Variants in SOX5 observed in about 807,000 individuals in gnomAD.
SOX5 encodes transcription factor SOX-5.
SOX5 carries 9 observed loss-of-function variants against 92.0 expected under a neutral mutation model. That is an observed-to-expected ratio of 0.10 (90% CI 0.06 to 0.17). The LOEUF (loss-of-function observed/expected upper bound fraction) is 0.17, where lower values mean the gene tolerates loss of function less well. Ranked by LOEUF, SOX5 falls within the 10% of genes least tolerant of loss-of-function variation. The probability of loss-of-function intolerance (pLI) is 1.00; values close to 1 mark genes in which losing one functional copy is unlikely to be tolerated. For synonymous variants in SOX5, 344 were observed against 336.3 expected, an observed-to-expected ratio of 1.02 and a Z score of -0.25; for missense variants, 642 against 944.5, an observed-to-expected ratio of 0.68 and a Z score of 4.20.
intron 11 of SOX5, among the ~76,000 whole-genome samples, chr12:23,548,380 T>TA (rs1565714085): frequency 1.3e-5 from 2 of 152,028 alleles, no homozygotes; most frequent in Non-Finnish European, 2.9e-5. Flanking sequence ...TATCCACCAC[T>TA]AATGCACCCA....
At position 24,046,254 on chromosome 12, in the gene SOX5, T is replaced by C. The variant is rs528006552; in HGVS notation, c.-1-150230A>G. The stretch of plus-strand genomic sequence containing the variant: ...GGGCAAGAAGAGAATTTCTAAAAGG[T>C]AGTGATGTAAAAGCGAAACTTGGGG... On this transcript the variant is annotated intron_variant, in intron 4 of 4. Coordinates refer to the SOX5 transcript ENST00000446891. Among the ~76,000 whole-genome samples the C allele has an allele frequency of 2.8e-4, 39 of 138,234 alleles. No individual in the cohort carries two copies. The South Asian group carries it at 9.0e-3, about 32-fold the overall frequency. 90.7% of individuals were successfully genotyped at this position (138,234 alleles called of 152,430 possible).
intron 2 of SOX5, among the ~76,000 whole-genome samples, chr12:24,308,029 A>AG (rs1948789304): frequency 6.6e-6 from 1 of 152,048 alleles, no homozygotes; most frequent in Non-Finnish European, 1.5e-5. Flanking sequence ...CCAGTAGAAA[A>AG]AAAAAAACAG....
At chr12:24,322,841 GTTGT>G (rs1212063168) in intron 2 of SOX5, among the ~76,000 whole-genome samples, 2 of 151,948 alleles carry the variant, frequency 1.3e-5, no homozygotes, top group Non-Finnish European at 2.9e-5. Flanking sequence ...TAATGTTGTT[GTTGT>G]TTTTTAAATA....
At chr12:23,898,759 G>A (rs2097202226) in intron 1 of SOX5, among the ~76,000 whole-genome samples, 1 of 152,204 alleles carries the variant, frequency 6.6e-6, no homozygotes, top group African/African-American at 2.4e-5. Flanking sequence ...ATCCTAGAAT[G>A]TCACATATTT....
intron 8 of SOX5, among the ~76,000 whole-genome samples, chr12:23,605,704 CTGATTAGCAG>C (rs1412459893): frequency 5.9e-5 from 9 of 151,656 alleles, no homozygotes; most frequent in Admixed American, 5.3e-4. Flanking sequence ...GCCACAGATC[CTGATTAGCAG>C]TGTCTCTCTC....
At chr12:23,982,393 AT>A (rs1220351884) in intron 4 of SOX5, among the ~76,000 whole-genome samples, 2 of 152,184 alleles carry the variant, frequency 1.3e-5, no homozygotes, top group African/African-American at 4.8e-5. Context: ...GAGAAGAATC[AT>A]TGCTTTTCTT....
intron 3 of SOX5, among the ~76,000 whole-genome samples, chr12:23,764,866 G>A (rs1020582500): frequency 8.6e-5 from 13 of 151,984 alleles, no homozygotes; most frequent in African/African-American, 2.9e-4. Context: ...GCCTGATAAA[G>A]CACTACACAT....
chr12:24,190,625 G>A (rs950834372), intron 4 of SOX5, among the ~76,000 whole-genome samples: 47 of 152,172 alleles, frequency 3.1e-4, no homozygotes, highest in African/African-American at 1.1e-3. Context: ...TCCGTGATTC[G>A]GATCATATTT....
intron 4 of SOX5, among the ~76,000 whole-genome samples, chr12:24,080,279 G>A (rs982444678): frequency 1.3e-5 from 2 of 151,772 alleles, no homozygotes; most frequent in African/African-American, 2.4e-5. Flanking sequence ...TGAACACTTT[G>A]GAAAAATATT....
At chr12:23,678,614 T>C (rs189620574) in intron 6 of SOX5, among the ~76,000 whole-genome samples, 1 of 152,278 alleles carries the variant, frequency 6.6e-6, no homozygotes, top group East Asian at 1.9e-4. Context: ...ACCTATTCTG[T>C]TTCCCTCAGC....
intron 6 of SOX5, among the ~76,000 whole-genome samples, chr12:23,668,900 G>T (rs1410859598): frequency 3.3e-5 from 5 of 152,026 alleles, no homozygotes; most frequent in Non-Finnish European, 7.4e-5. Flanking sequence ...CATTTATGAA[G>T]AACAAGTAAA....
At chr12:23,603,432 AATATATATATAAAATATAT>A (rs1555193626) in intron 9 of SOX5, among the ~76,000 whole-genome samples, 2 of 90,832 alleles carry the variant, frequency 2.2e-5, no homozygotes, top group South Asian at 8.1e-4. Flanking sequence ...CAGCAAAATA[AATATATATATAAAATATAT>A]ATATATATAT....
chr12:23,760,322 A>T (rs1203625287), intron 3 of SOX5, among the ~76,000 whole-genome samples: 1 of 152,114 alleles, frequency 6.6e-6, no homozygotes, highest in Non-Finnish European at 1.5e-5. Context: ...ATACAAAACC[A>T]GGTTCTCTTA....
chr12:24,094,972 T>G (rs1324916027), intron 4 of SOX5, among the ~76,000 whole-genome samples: 1 of 152,160 alleles, frequency 6.6e-6, no homozygotes, highest in Non-Finnish European at 1.5e-5. Context: ...CTTTTGTTTA[T>G]CCAAGGAAAT....
chr12:23,967,762 A>T (rs1165130683), intron 4 of SOX5, among the ~76,000 whole-genome samples: 2 of 152,190 alleles, frequency 1.3e-5, no homozygotes, highest in African/African-American at 4.8e-5. Context: ...TAAAATTATT[A>T]TTCAGGATAA....
intron 4 of SOX5, among the ~76,000 whole-genome samples, chr12:24,047,619 G>A (rs974719772): frequency 6.6e-6 from 1 of 152,156 alleles, no homozygotes; most frequent in Admixed American, 6.5e-5. Context: ...ATTACCACAT[G>A]GGATCAGCCA....
intron 4 of SOX5, among the ~76,000 whole-genome samples, chr12:24,048,737 T>C (rs1335626760): frequency 6.6e-6 from 1 of 152,182 alleles, no homozygotes; most frequent in Non-Finnish European, 1.5e-5. Context: ...AACATTACGC[T>C]AAGTGAAAGA....
At chr12:23,949,714 C>A (rs547113456), upstream of SOX5, 7 of 1,053,218 alleles carry the variant, frequency 6.6e-6, no homozygotes, top group East Asian at 1.4e-4. Flanking sequence ...TCTGTCTCTT[C>A]CCCCCCTCCC....
At chr12:23,915,505 C>T (rs11047162) in intron 1 of SOX5, among the ~76,000 whole-genome samples, 2 of 151,980 alleles carry the variant, frequency 1.3e-5, no homozygotes, top group South Asian at 4.1e-4. Context: ...TGAGTAATCA[C>T]GTTCTTACAA....
Sources: gnomAD v4.1 joint callset for allele counts (sites outside exome capture counted in the v4.1 genomes callset) on GRCh38, gnomAD v4.1.1 for gene constraint, MANE v1.5 for transcripts, NCBI Gene and HGNC (gene_info 2026-07-23, HGNC 2026-07-21) for gene names.